AGAP1: variants seen among roughly 807,000 people sequenced by gnomAD.
AGAP1 encodes ArfGAP with GTPase domain, ankyrin repeat and PH domain 1.
AGAP1 carries 29 observed loss-of-function variants against 105.3 expected under a neutral mutation model. The ratio of observed to expected loss-of-function variants is 0.28; its 90% CI spans 0.21 to 0.38. AGAP1 has a LOEUF of 0.38. Among genes scored for constraint, AGAP1 ranks in the 10% least tolerant of loss-of-function variants. AGAP1 has a pLI of 1.00. For missense variants in AGAP1, 998 were observed against 1,165.1 expected, an observed-to-expected ratio of 0.86 and a Z score of 2.09; for synonymous variants, 509 against 485.9, an observed-to-expected ratio of 1.05 and a Z score of -0.63.
intron 16 of AGAP1, among the ~76,000 whole-genome samples, chr2:236,069,255 C>T (rs187782175): frequency 6.6e-6 from 1 of 151,980 alleles, no homozygotes; most frequent in Admixed American, 6.5e-5. Context: ...TTGTCGTGTA[C>T]ACGTGACAAT....
chr2:236,052,956 A>C (rs2125722196), intron 16 of AGAP1, among the ~76,000 whole-genome samples: 1 of 152,324 alleles, frequency 6.6e-6, no homozygotes, highest in South Asian at 2.1e-4. Context: ...GTGAAGTAGT[A>C]ACAGTGGACA....
Position 235,621,000 on chromosome 2 carries a change from A to T in AGAP1, c.164-88179A>T, listed in dbSNP as rs1946459394. Among the ~76,000 whole-genome samples the T allele has an allele frequency of 6.6e-6, 1 of 152,064 alleles. No homozygotes were observed. The highest frequency in any genetic ancestry group is 2.4e-5 in the African/African-American group (1 of 41,404). ...TTGGCTCTGCTGCTGAAGTGGCTGG[A>T]TGGCCTTGGAGATCTAGTTAATTTT... On this transcript the variant is annotated intron_variant, in intron 1 of 17. Transcript: ENST00000304032. This position sits in a 1 kb window ranked among gnomAD's most constrained non-coding sequence, Gnocchi z 4.5.
In AGAP1 at chr2:236,083,103, C is replaced by T. The variant is rs545821907; in HGVS notation, c.2114+33822C>T. Among the ~76,000 whole-genome samples the T allele has an allele frequency of 6.6e-5, 10 of 152,006 alleles. No individual in the cohort carries two copies. Among genetic ancestry groups the T allele is most frequent in the Admixed American group, 2.6e-4 (4 of 15,250 alleles). On this transcript the variant is annotated intron_variant, in intron 16 of 17. Coordinates refer to ENST00000304032, the MANE Select transcript of AGAP1 (RefSeq NM_001037131.3). This position sits in a 1 kb window ranked among gnomAD's most constrained non-coding sequence, Gnocchi z 5.3. ...CTGGGAGGCATAGGTTGCAGTGAGC[C>T]GAGATCACGCCATTGCACTCCAGCC...
intron 16 of AGAP1, among the ~76,000 whole-genome samples, chr2:236,097,974 G>T (rs930363691): frequency 1.3e-5 from 2 of 152,098 alleles, no homozygotes; most frequent in East Asian, 1.9e-4. Flanking sequence ...TCATCATGTC[G>T]TAGCAGATAT....
At chr2:235,524,398 G>C (rs981464522) in intron 1 of AGAP1, 4 of 199,272 alleles carry the variant, frequency 2.0e-5, no homozygotes, top group African/African-American at 9.5e-5. Context: ...ACTGTCCTGT[G>C]TGATATTTTT....
chr2:235,523,788 C>T (rs138357710), intron 1 of AGAP1, among the ~76,000 whole-genome samples: 1 of 146,042 alleles, frequency 6.8e-6, no homozygotes, highest in Non-Finnish European at 1.5e-5. Context: ...TGTGGGATTG[C>T]ATCTGCTTCC....
At chr2:235,778,831 T>C (rs1380499716) in intron 6 of AGAP1, among the ~76,000 whole-genome samples, 1 of 152,176 alleles carries the variant, frequency 6.6e-6, no homozygotes, top group African/African-American at 2.4e-5. Flanking sequence ...GACCCTCATA[T>C]TAGGGATGCC....
chr2:236,050,463 C>G lies in AGAP1; in HGVS notation c.2114+1182C>G, dbSNP rs954488759. Among the ~76,000 whole-genome samples the G allele has an allele frequency of 6.6e-6, 1 of 151,990 alleles. No individual in the cohort carries two copies. Among genetic ancestry groups the G allele is most frequent in the African/African-American group, 2.4e-5 (1 of 41,350 alleles). ...TATGAGTTATGCTCTATAGTGTAGA[C>G]AGGGGTAAGTTTCTTACAAACCGAA... On this transcript the variant is annotated intron_variant, in intron 16 of 17. Coordinates refer to ENST00000304032, the MANE Select transcript of AGAP1 (RefSeq NM_001037131.3). This position sits in a 1 kb window ranked among gnomAD's most constrained non-coding sequence, Gnocchi z 4.0.
At chr2:235,857,251 C>T (rs577458746) in intron 9 of AGAP1, among the ~76,000 whole-genome samples, 2 of 152,278 alleles carry the variant, frequency 1.3e-5, no homozygotes, top group African/African-American at 4.8e-5. Context: ...GAGAACGGCA[C>T]ATGCAAGGGA....
intron 1 of AGAP1, among the ~76,000 whole-genome samples, chr2:235,636,778 G>A (rs35918306): frequency 1.3e-5 from 2 of 152,094 alleles, no homozygotes; most frequent in African/African-American, 4.8e-5. Flanking sequence ...CGTCGCAGAT[G>A]TAATTATTTA....
chr2:235,766,120 A>G (rs1313297748), intron 6 of AGAP1, among the ~76,000 whole-genome samples: 1 of 152,248 alleles, frequency 6.6e-6, no homozygotes, highest in African/African-American at 2.4e-5. Flanking sequence ...AAAACTTGGT[A>G]GTGAGCTAAA....
rs2059348403 is a variant in AGAP1 at position 236,101,661 on chromosome 2, T to C, written c.2115-18531T>C. Among the ~76,000 whole-genome samples, 1 of 152,206 alleles carries C rather than the reference T, an allele frequency of 6.6e-6. No individual in the cohort carries two copies. Among genetic ancestry groups the C allele is most frequent in the African/African-American group, 2.4e-5 (1 of 41,462 alleles). ...GGCCATTTCTCTTCCCTTATCTGTT[T>C]ATGATGCGATATGTTCCAAAGCCGA... On this transcript the variant is annotated intron_variant, in intron 16 of 17. Transcript: ENST00000304032. This position sits in a 1 kb window ranked among gnomAD's most constrained non-coding sequence, Gnocchi z 4.9.
At chr2:235,938,087 G>A (rs982762602) in intron 12 of AGAP1, among the ~76,000 whole-genome samples, 3 of 152,354 alleles carry the variant, frequency 2.0e-5, no homozygotes, top group Admixed American at 6.5e-5. Context: ...CAGAGCATCC[G>A]CCTGGCGGCA....
At chr2:236,022,678 G>A (rs1576088012) in intron 13 of AGAP1, among the ~76,000 whole-genome samples, 1 of 152,122 alleles carries the variant, frequency 6.6e-6, no homozygotes, top group Non-Finnish European at 1.5e-5. Context: ...GGGATTATAG[G>A]CACCCGCCAC....
chr2:235,907,740 A>G (rs2051376777), intron 10 of AGAP1, among the ~76,000 whole-genome samples: 2 of 152,176 alleles, frequency 1.3e-5, no homozygotes, highest in Admixed American at 1.3e-4. Flanking sequence ...TTTATATATA[A>G]CCTGCACACA....
intron 11 of AGAP1, among the ~76,000 whole-genome samples, chr2:235,920,122 A>T (rs7576871): frequency 6.6e-6 from 1 of 152,024 alleles, no homozygotes; most frequent in Admixed American, 6.5e-5. Flanking sequence ...GTAGTCGTTA[A>T]ATTTGTCATT....
chr2:235,727,080 C>G (rs547393481), intron 3 of AGAP1, among the ~76,000 whole-genome samples: 5 of 152,326 alleles, frequency 3.3e-5, no homozygotes, highest in African/African-American at 4.8e-5. Context: ...GCAAAAGACT[C>G]TAAGTCAGTT....
At position 235,927,052 on chromosome 2, in the gene AGAP1, T is replaced by C. The variant is rs143408528; in HGVS notation, c.1325-3713T>C. Among the ~76,000 whole-genome samples the C allele has an allele frequency of 5.1e-3, 783 of 152,374 alleles. 10 individuals carry two copies. The highest frequency in any genetic ancestry group is 0.018 in the African/African-American group (769 of 41,582). On this transcript the variant is annotated intron_variant, in intron 11 of 17. Coordinates refer to ENST00000304032, the MANE Select transcript of AGAP1 (RefSeq NM_001037131.3). The surrounding 1 kb of genome is among the most constrained non-coding windows in gnomAD (Gnocchi z 4.4). ...GACGTCAGGCGATAGTCTGTGGATCTGATTGAAAGTTTCACCTTTATCACG... is the reference window on the plus strand; with the variant it reads ...GACGTCAGGCGATAGTCTGTGGATCCGATTGAAAGTTTCACCTTTATCACG...
At chr2:235,924,973 G>T (rs1323737506) in intron 11 of AGAP1, among the ~76,000 whole-genome samples, 3 of 152,128 alleles carry the variant, frequency 2.0e-5, no homozygotes, top group Non-Finnish European at 4.4e-5. Flanking sequence ...GAGGCCCGTG[G>T]AGAGCTGGCT....
Sources: gnomAD v4.1 joint callset for allele counts (sites outside exome capture counted in the v4.1 genomes callset) on GRCh38, gnomAD v4.1.1 for gene constraint, Gnocchi (gnomAD v3.1) non-coding constraint, MANE v1.5 for transcripts, NCBI Gene and HGNC (gene_info 2026-07-23, HGNC 2026-07-21) for gene names.